AGBL1: variants seen among roughly 807,000 people sequenced by gnomAD.
The protein encoded by AGBL1 is cytosolic carboxypeptidase 4.
A neutral mutation model predicts 118.9 loss-of-function variants in AGBL1; 130 were observed. That is an observed-to-expected ratio of 1.09 (90% CI 0.95 to 1.26). The LOEUF (loss-of-function observed/expected upper bound fraction) is 1.26. Ranked by LOEUF, AGBL1 falls within the 50% of genes most tolerant of loss-of-function variation. The probability of loss-of-function intolerance (pLI) is 0.00; values close to 1 mark genes in which losing one functional copy is unlikely to be tolerated. For missense variants in AGBL1, 1,584 were observed against 1,298.1 expected (o/e 1.22, Z -3.38); for synonymous variants, 555 against 478.9 (o/e 1.16, Z -2.08).
intron 22 of AGBL1, among the ~76,000 whole-genome samples, chr15:86,740,234 C>T (rs1467916234): frequency 6.6e-6 from 1 of 152,228 alleles, no homozygotes; most frequent in Non-Finnish European, 1.5e-5. Flanking sequence ...GTTTCCCTAG[C>T]ATCCCCATAC....
At chr15:86,830,093 A>G (rs977887400) in intron 22 of AGBL1, among the ~76,000 whole-genome samples, 129 of 152,216 alleles carry the variant, frequency 8.5e-4, no homozygotes, top group African/African-American at 3.0e-3. Context: ...ATGTATTTAG[A>G]TTATCTCAAA....
rs767145803 is a variant in AGBL1, at chr15:86,143,723, T to C, written c.140T>C (p.Met47Thr). The C allele has an allele frequency of 6.2e-7, 1 of 1,613,816 alleles. No individual in the cohort carries two copies. The highest frequency in any genetic ancestry group is 1.1e-5 in the South Asian group (1 of 91,080). ...GGCACAGACCGGAGAATTCACTACATGATCAGCAAGGGTGGCAGTGAAGCT... is the reference window on the plus strand; with the variant it reads ...GGCACAGACCGGAGAATTCACTACACGATCAGCAAGGGTGGCAGTGAAGCT... Reference protein sequence around the residue: ...SVGTDRRIHYMISKGGSEALL... With the variant: ...SVGTDRRIHYTISKGGSEALL... Residue 47 changes from methionine (M) to threonine (T), a missense_variant, in exon 3 of 23, where the codon ATG becomes ACG. Transcript: ENST00000614907.
intron 18 of AGBL1, among the ~76,000 whole-genome samples, chr15:86,433,264 T>TCC (rs2081959519): frequency 8.3e-6 from 1 of 120,436 alleles, no homozygotes; most frequent in Admixed American, 9.7e-5. Context: ...CTCCTCCTTC[T>TCC]TCTTTTTTTT....
intron 21 of AGBL1, among the ~76,000 whole-genome samples, chr15:86,662,990 G>A (rs2085572464): frequency 6.6e-6 from 1 of 152,192 alleles, no homozygotes; most frequent in South Asian, 2.1e-4. Context: ...AACACTGGAT[G>A]GACTTGAATG....
intron 20 of AGBL1, among the ~76,000 whole-genome samples, chr15:86,547,650 C>T (rs534899949): frequency 2.1e-4 from 32 of 152,198 alleles, no homozygotes; most frequent in African/African-American, 7.0e-4. Flanking sequence ...CAGTTTCTGC[C>T]TATGAGAATA....
At chr15:86,356,354 G>GTGTGTT (rs1290335987) in intron 17 of AGBL1, among the ~76,000 whole-genome samples, 2 of 151,258 alleles carry the variant, frequency 1.3e-5, no homozygotes, top group African/African-American at 2.4e-5. Flanking sequence ...GTGTGTGTGT[G>GTGTGTT]TGCGCGTGCG....
intron 21 of AGBL1, among the ~76,000 whole-genome samples, chr15:86,660,101 C>T (rs1306345025): frequency 6.6e-6 from 1 of 151,540 alleles, no homozygotes; most frequent in Non-Finnish European, 1.5e-5. Context: ...TAAGCAGAAC[C>T]ATAGATGTTT....
intron 19 of AGBL1, among the ~76,000 whole-genome samples, chr15:86,537,211 T>G (rs533277898): frequency 1.9e-3 from 293 of 152,340 alleles, no homozygotes; most frequent in Middle Eastern, 3.4e-3. Context: ...CCAGACAATA[T>G]AGAAGCCTTG....
chr15:86,480,931 T>G (rs887460060), intron 18 of AGBL1, among the ~76,000 whole-genome samples: 10 of 152,144 alleles, frequency 6.6e-5, no homozygotes, highest in African/African-American at 2.4e-4. Context: ...GCTAAGAACT[T>G]GGAAGCTTAT....
intron 22 of AGBL1, among the ~76,000 whole-genome samples, chr15:86,797,100 C>T (rs1203468499): frequency 6.6e-6 from 1 of 152,212 alleles, no homozygotes; most frequent in African/African-American, 2.4e-5. Flanking sequence ...CATTAGAATT[C>T]TGACCTTGCA....
chr15:86,317,299 A>G (rs2080027753), intron 17 of AGBL1: 1 of 152,234 alleles, frequency 6.6e-6, no homozygotes, highest in Non-Finnish European at 1.5e-5. Flanking sequence ...TTAGGTGGCA[A>G]GAGAGCAGAT....
intron 21 of AGBL1, among the ~76,000 whole-genome samples, chr15:86,564,155 G>C (rs985537813): frequency 1.3e-5 from 2 of 152,198 alleles, no homozygotes; most frequent in African/African-American, 2.4e-5. Context: ...TGTTAGGTGT[G>C]AATTTGATCC....
At chr15:86,785,379 G>GT (rs369996141) in intron 22 of AGBL1, among the ~76,000 whole-genome samples, 5 of 123,988 alleles carry the variant, frequency 4.0e-5, no homozygotes, top group Admixed American at 2.6e-4. Flanking sequence ...TTTTTTTTTT[G>GT]TTTTTGTTTT....
Position 86,887,892 on chromosome 15 carries a change from G to C in AGBL1, c.3159-19195G>C, listed in dbSNP as rs549921604. ...TTGGATAAGGGGGTCACTACACAGA[G>C]GTATAGATTCATAATGATGTGTATA... On this transcript the variant is annotated intron_variant, in intron 22 of 22. Transcript: ENST00000614907. Among the ~76,000 whole-genome samples the C allele has an allele frequency of 2.0e-5, 3 of 152,146 alleles. No homozygotes were observed. The South Asian group carries it at 6.3e-4, about 32-fold the overall frequency.
chr15:86,824,327 T>C (rs973444856), intron 22 of AGBL1, among the ~76,000 whole-genome samples: 7 of 151,998 alleles, frequency 4.6e-5, no homozygotes, highest in African/African-American at 1.7e-4. Flanking sequence ...TAAAATATAA[T>C]ACCATTTATA....
At chr15:86,974,937 A>T (rs1242842007) in intron 23 of AGBL1, among the ~76,000 whole-genome samples, 1 of 151,614 alleles carries the variant, frequency 6.6e-6, no homozygotes, top group Non-Finnish European at 1.5e-5. Context: ...TTGCAGGGGG[A>T]TTATTGGAGC....
intron 22 of AGBL1, among the ~76,000 whole-genome samples, chr15:86,799,818 T>A (rs2078625368): frequency 6.6e-6 from 1 of 152,188 alleles, no homozygotes; most frequent in African/African-American, 2.4e-5. Flanking sequence ...GAAATGGTTC[T>A]GCAAGTTACT....
chr15:86,692,425 T>C lies in AGBL1; in HGVS notation c.3158+17989T>C, dbSNP rs1431585460. Reference sequence around the variant, plus strand: ...CCCTTAGTGAGGAAGAGGGTGGAACTGGCGAAGAATTGCCCTCACCTATGA... The same window carrying C: ...CCCTTAGTGAGGAAGAGGGTGGAACCGGCGAAGAATTGCCCTCACCTATGA... On this transcript the variant is annotated intron_variant, in intron 22 of 22. Coordinates refer to ENST00000614907, the MANE Select transcript of AGBL1 (RefSeq NM_001386094.1). 2.6e-5 allele frequency among the ~76,000 whole-genome samples: 4 copies of C among 152,038 alleles called. 1 individual carries two copies. The highest frequency in any genetic ancestry group is 9.7e-5 in the African/African-American group (4 of 41,416).
chr15:86,935,880 C>T (rs1234502241), intron 23 of AGBL1, among the ~76,000 whole-genome samples: 1 of 152,212 alleles, frequency 6.6e-6, no homozygotes, highest in Non-Finnish European at 1.5e-5. Flanking sequence ...AATGTATTCC[C>T]CTTTGGTGAT....
Sources: allele counts gnomAD v4.1 joint callset (sites outside exome capture counted in the v4.1 genomes callset), GRCh38; gene constraint gnomAD v4.1.1; transcripts MANE v1.5; gene names NCBI Gene and HGNC (gene_info 2026-07-23, HGNC 2026-07-21).